Variants in ERBB4 observed in about 807,000 individuals in gnomAD.
The protein encoded by ERBB4 is receptor tyrosine-protein kinase erbB-4.
In ERBB4, 42 loss-of-function variants were observed where a neutral mutation model predicts 158.0. The ratio of observed to expected loss-of-function variants is 0.27; its 90% CI spans 0.21 to 0.34. ERBB4 has a LOEUF of 0.34. Ranked by LOEUF, ERBB4 falls within the 10% of genes least tolerant of loss-of-function variation. The probability of loss-of-function intolerance (pLI) is 1.00; values close to 1 mark genes in which losing one functional copy is unlikely to be tolerated. For synonymous variants in ERBB4, 583 were observed against 558.7 expected (o/e 1.04, Z -0.61); for missense variants, 1,333 against 1,624.1 (o/e 0.82, Z 3.08).
intron 2 of ERBB4, among the ~76,000 whole-genome samples, chr2:211,969,497 T>C (rs2125196465): frequency 6.6e-6 from 1 of 152,182 alleles, no homozygotes; most frequent in East Asian, 1.9e-4. Context: ...AATTTATGCT[T>C]TACCGTATTT....
chr2:212,503,460 G>C (rs1195897117), intron 1 of ERBB4, among the ~76,000 whole-genome samples: 2 of 152,102 alleles, frequency 1.3e-5, no homozygotes, highest in Non-Finnish European at 2.9e-5. Context: ...AATCCAAATG[G>C]ACTGCATTTA....
At chr2:212,435,210 G>A (rs2092111417) in intron 1 of ERBB4, among the ~76,000 whole-genome samples, 1 of 151,956 alleles carries the variant, frequency 6.6e-6, no homozygotes, top group South Asian at 2.1e-4. Context: ...CCTGTTTTCA[G>A]TGCCCATCTC....
intron 1 of ERBB4, among the ~76,000 whole-genome samples, chr2:212,531,823 A>G (rs1462178520): frequency 2.0e-5 from 3 of 152,198 alleles, no homozygotes; most frequent in Admixed American, 6.5e-5. Context: ...TCAAGATTCT[A>G]TGTCTCCATA....
At chr2:211,512,371 C>T (rs2065903793) in intron 20 of ERBB4, among the ~76,000 whole-genome samples, 1 of 151,756 alleles carries the variant, frequency 6.6e-6, no homozygotes, top group Admixed American at 6.6e-5. Flanking sequence ...AAGTTTGGGT[C>T]CTCTCAACAG....
chr2:211,501,539 GT>G (rs147978547), intron 20 of ERBB4, among the ~76,000 whole-genome samples: 32 of 150,838 alleles, frequency 2.1e-4, no homozygotes, highest in African/African-American at 2.9e-4. Context: ...TTGCTTGTGT[GT>G]TTTTTTTAGA....
At chr2:212,411,522 C>G (rs778642629) in intron 1 of ERBB4, among the ~76,000 whole-genome samples, 1 of 152,288 alleles carries the variant, frequency 6.6e-6, no homozygotes. Flanking sequence ...GCTTTTCTCC[C>G]TCCCTAGAAT....
At chr2:212,418,379 C>T (rs377505831) in intron 1 of ERBB4, among the ~76,000 whole-genome samples, 1 of 151,678 alleles carries the variant, frequency 6.6e-6, no homozygotes, top group East Asian at 1.9e-4. Context: ...AATATAATGC[C>T]TAAATATATC....
chr2:211,871,024 T>G (rs748820832), intron 3 of ERBB4, among the ~76,000 whole-genome samples: 6 of 152,202 alleles, frequency 3.9e-5, no homozygotes, highest in Non-Finnish European at 8.8e-5. Flanking sequence ...CAATTCTAAG[T>G]GTCACATCAT....
At chr2:212,535,910 TG>T (rs1693030589) in intron 1 of ERBB4, among the ~76,000 whole-genome samples, 1 of 152,204 alleles carries the variant, frequency 6.6e-6, no homozygotes, top group East Asian at 1.9e-4. Flanking sequence ...GTAAATAAGG[TG>T]CATTCCTTCT....
chr2:211,549,638 G>A (rs535838103), intron 20 of ERBB4, among the ~76,000 whole-genome samples: 3 of 152,248 alleles, frequency 2.0e-5, no homozygotes, highest in South Asian at 2.1e-4. Context: ...CCTCTGACAC[G>A]TAAGTGAGCC....
chr2:211,580,823 ATTATATATATAGAT>A (rs1559317213), intron 19 of ERBB4, among the ~76,000 whole-genome samples: 18 of 45,108 alleles, frequency 4.0e-4, no homozygotes, highest in African/African-American at 9.1e-4. Flanking sequence ...ATATATATAT[ATTATATATATAGAT>A]TATATATTAT....
At chr2:212,366,451 G>A (rs1425945256) in intron 1 of ERBB4, among the ~76,000 whole-genome samples, 1 of 151,930 alleles carries the variant, frequency 6.6e-6, no homozygotes, top group Admixed American at 6.6e-5. Flanking sequence ...ACACCTTTCA[G>A]TGTTAAGGAT....
At chr2:211,920,189 T>C (rs2079819707) in intron 3 of ERBB4, among the ~76,000 whole-genome samples, 1 of 152,014 alleles carries the variant, frequency 6.6e-6, no homozygotes, top group African/African-American at 2.4e-5. Flanking sequence ...CAATAAATTA[T>C]GTAGTCAAAT....
chr2:212,274,329 G>A (rs1328416844), intron 1 of ERBB4, among the ~76,000 whole-genome samples: 1 of 151,812 alleles, frequency 6.6e-6, no homozygotes, highest in Non-Finnish European at 1.5e-5. Flanking sequence ...GTCCCATGGT[G>A]TTATTCAAGG....
chr2:211,743,770 G>A (rs1455130988), intron 5 of ERBB4, among the ~76,000 whole-genome samples: 1 of 152,156 alleles, frequency 6.6e-6, no homozygotes, highest in Non-Finnish European at 1.5e-5. Context: ...TACTTAAGCT[G>A]TGCTGTGGAG....
Position 211,725,010 on chromosome 2 carries a change from T to G in ERBB4, c.741+66A>C. On this transcript the variant is annotated intron_variant, in intron 6 of 27. Transcript: ENST00000342788. Reference sequence around the variant, plus strand: ...TGATTGTAATAAGACAAAGATTCAGTATGCCTGAATCAAATAGGGAAGGAA... The same window carrying G: ...TGATTGTAATAAGACAAAGATTCAGGATGCCTGAATCAAATAGGGAAGGAA... The G allele has an allele frequency of 3.5e-6, 4 of 1,147,170 alleles. No individual in the cohort carries two copies. The South Asian group carries it at 4.9e-5, about 14-fold the overall frequency. The allele number at this position is 1,147,170 out of a possible 1,614,324, so 71.1% of individuals were successfully genotyped here. A position where few individuals can be genotyped will look rare whatever the true frequency, so the allele number is the denominator to read the frequency against.
intron 2 of ERBB4, among the ~76,000 whole-genome samples, chr2:212,095,708 G>A (rs1379158330): frequency 6.6e-6 from 1 of 151,996 alleles, no homozygotes; most frequent in African/African-American, 2.4e-5. Context: ...CGAGGCGGGC[G>A]GATCACGAGG....
intron 3 of ERBB4, among the ~76,000 whole-genome samples, chr2:211,874,674 T>C (rs1057351993): frequency 4.6e-5 from 7 of 152,022 alleles, no homozygotes; most frequent in African/African-American, 1.7e-4. Flanking sequence ...CTATTGTGAG[T>C]GTAAACTTGA....
At position 212,538,653 on chromosome 2, in the gene ERBB4, C is replaced by T. The variant is rs960366301; in HGVS notation, c.-123G>A. The stretch of plus-strand genomic sequence containing the variant: ...GGGGGTGCGAGGGGGGCGGGCGCGG[C>T]GCGCGCGGTGTGGCGACTCCCAGGG... On this transcript the variant is annotated 5_prime_UTR_variant, in exon 1 of 28. Coordinates refer to ENST00000342788, the MANE Select transcript of ERBB4 (RefSeq NM_005235.3). The T allele has an allele frequency of 2.5e-5, 25 of 1,000,418 alleles. No individual in the cohort carries two copies. Among genetic ancestry groups the T allele is most frequent in the Middle Eastern group, 2.2e-4 (1 of 4,644 alleles). The allele number at this position is 1,000,418 out of a possible 1,614,324, so 62.0% of individuals were successfully genotyped here.
Sources: gnomAD v4.1 joint callset for allele counts (sites outside exome capture counted in the v4.1 genomes callset) on GRCh38, gnomAD v4.1.1 for gene constraint, MANE v1.5 for transcripts, NCBI Gene and HGNC (gene_info 2026-07-23, HGNC 2026-07-21) for gene names.